The following GON4L variants were observed in gnomAD, a reference collection of about 807,000 sequenced individuals.
GON4L encodes gon-4 like, also known as GON-4-like protein.
In GON4L, 87 loss-of-function variants were observed where a neutral mutation model predicts 211.8. The observed-to-expected ratio is 0.41, with a 90% confidence interval of 0.35 to 0.49. The LOEUF (loss-of-function observed/expected upper bound fraction) is 0.49, where lower values mean the gene tolerates loss of function less well. Ranked by LOEUF, GON4L falls within the 20% of genes least tolerant of loss-of-function variation. The pLI, the probability that GON4L is intolerant of heterozygous loss-of-function variation, is 0.15. For missense variants in GON4L, 2,155 were observed against 2,659.5 expected, an observed-to-expected ratio of 0.81 and a Z score of 4.17; for synonymous variants, 875 against 962.6, an observed-to-expected ratio of 0.91 and a Z score of 1.68.
Position 155,765,544 on chromosome 1 carries a change from T to A in GON4L, c.3929A>T (p.Gln1310Leu), listed in dbSNP as rs748836050. The part of the protein sequence containing the change: ...QALEPLPQGI[Q>L]ESLNNPTPGD... Reference sequence around the variant, plus strand: ...AGGGGTAGGGTTGTTTAGAGACTCCTGGATGCCCTGAGGGAGCGGCTCCAG... The same window carrying A: ...AGGGGTAGGGTTGTTTAGAGACTCCAGGATGCCCTGAGGGAGCGGCTCCAG... Residue 1310 changes from glutamine to leucine, a missense_variant, in exon 21 of 32, where the codon CAG (glutamine) becomes CTG (leucine). Physicochemically the swap from Gln to Leu is moderately radical, Grantham distance 113 (BLOSUM62 -2). Around this residue, in one of 6 missense-constraint regions of GON4L, gnomAD observed 615 missense variants for 625.7 expected, o/e 0.98. Coordinates refer to ENST00000368331, the MANE Select transcript of GON4L (RefSeq NM_001282860.2). 6.2e-7 allele frequency: 1 copy of A among 1,614,218 alleles called. No individual in the cohort carries two copies. The highest frequency in any genetic ancestry group is 8.5e-7 in the Non-Finnish European group (1 of 1,180,030).
intron 2 of GON4L, among the ~76,000 whole-genome samples, chr1:155,852,107 G>A (rs1671847405): frequency 6.8e-6 from 1 of 147,100 alleles, no homozygotes; most frequent in Non-Finnish European, 1.5e-5. Flanking sequence ...GGAGGTTGCA[G>A]TGAGCCAAGA....
In GON4L at chr1:155,765,072, G is replaced by T. The variant is rs1343196367; in HGVS notation, c.4401C>A (p.Asp1467Glu). The change falls in exon 21 of 32, where the codon GAC (aspartate) becomes GAA (glutamate). Residue 1467 changes from aspartate (D) to glutamate (E), a missense_variant. Around this residue, in one of 6 missense-constraint regions of GON4L, gnomAD observed 615 missense variants for 625.7 expected, o/e 0.98. Coordinates refer to ENST00000368331, the MANE Select transcript of GON4L (RefSeq NM_001282860.2). ...TTTCATCTTCCTCATCTTGGGTGAG[G>T]TCATCAAAGTCCTCTTCTTCCTCTT... is the stretch of plus-strand genomic sequence containing the variant. ...PEEEEEEDFD[D>E]LTQDEEDEMS... 2.5e-6 allele frequency: 4 copies of T among 1,614,126 alleles called. No homozygotes were observed. The highest frequency in any genetic ancestry group is 2.5e-6 in the Non-Finnish European group (3 of 1,180,014).
chr1:155,766,999 T>G (rs1442419625), intron 20 of GON4L: 1 of 548,346 alleles, frequency 1.8e-6, no homozygotes, highest in Non-Finnish European at 3.2e-6. Flanking sequence ...GAAGCCGAGA[T>G]CGCACCTTAG....
intron 6 of GON4L, 119 bp downstream of exon 6, chr1:155,820,487 A>G (rs905539598): frequency 8.4e-6 from 6 of 713,618 alleles, no homozygotes; most frequent in Middle Eastern, 3.3e-4. Flanking sequence ...TCTTTTATAA[A>G]TATTTCTTTA....
At chr1:155,851,238 C>T (rs1671760402) in intron 2 of GON4L, among the ~76,000 whole-genome samples, 1 of 150,192 alleles carries the variant, frequency 6.7e-6, no homozygotes, top group Admixed American at 6.7e-5. Context: ...CCTGTAGTCC[C>T]AGCTACTCGG....
intron 2 of GON4L, among the ~76,000 whole-genome samples, chr1:155,845,215 G>T (rs1049498742): frequency 2.6e-5 from 4 of 152,226 alleles, no homozygotes; most frequent in African/African-American, 9.6e-5. Context: ...ACAGGATGCA[G>T]CAAAGAAAGC....
chr1:155,788,828 C>T (rs1021773165), intron 12 of GON4L, among the ~76,000 whole-genome samples: 8 of 152,128 alleles, frequency 5.3e-5, no homozygotes, highest in Middle Eastern at 3.2e-3. Context: ...CAGTGGCTCA[C>T]GCCTGTAATC....
chr1:155,775,934 A>C (rs1663776371), intron 16 of GON4L, among the ~76,000 whole-genome samples: 1 of 152,006 alleles, frequency 6.6e-6, no homozygotes, highest in Admixed American at 6.6e-5. Flanking sequence ...ACAGGTACGC[A>C]CCACCACATC....
At chr1:155,819,992 G>A (rs1668594456) in intron 6 of GON4L, among the ~76,000 whole-genome samples, 1 of 152,118 alleles carries the variant, frequency 6.6e-6, no homozygotes, top group Non-Finnish European at 1.5e-5. Context: ...TCCACTCACT[G>A]CAACCTCCGC....
At position 155,800,153 on chromosome 1, in the gene GON4L, C is replaced by T. The variant is rs547843008; in HGVS notation, c.1645+4796G>A. Among the ~76,000 whole-genome samples, 575 of 151,572 alleles carry T rather than the reference C, an allele frequency of 3.8e-3. 4 individuals are homozygous for T. Among genetic ancestry groups the T allele is most frequent in the African/African-American group, 9.0e-3 (370 of 41,314 alleles). On this transcript the variant is annotated intron_variant, in intron 11 of 31. Transcript: ENST00000368331. The stretch of plus-strand genomic sequence containing the variant: ...GGCAGAGGTTGCGGTGAGCTGAGAT[C>T]GTGCCATTGCACTCCAGCCTGGGCA...
At chr1:155,788,261 G>A (rs1665161461) in intron 12 of GON4L, among the ~76,000 whole-genome samples, 1 of 152,132 alleles carries the variant, frequency 6.6e-6, no homozygotes, top group African/African-American at 2.4e-5. Context: ...CCAAAGTGCT[G>A]GGATTACAGG....
chr1:155,765,000 C>G lies in GON4L; in HGVS notation c.4473G>C (p.Gln1491His). 1 of 1,613,938 alleles carries G rather than the reference C, an allele frequency of 6.2e-7. No individual in the cohort carries two copies. Among genetic ancestry groups the G allele is most frequent in the Non-Finnish European group, 8.5e-7 (1 of 1,179,812 alleles). ...CTTGAGAATATTCTCCAGCTCTCAC[C>G]TGGAGTTCTGGGACAGAAAGCACAG... ...EESVLSVPEL[Q>H]ETMEKLTWLA... The change falls in exon 21 of 32, where the codon CAG (glutamine) becomes CAC (histidine). Residue 1491 changes from glutamine to histidine, a missense_variant and splice_region_variant. Physicochemically the swap from Gln to His is conservative, Grantham distance 24. Transcript: ENST00000368331.
Position 155,777,608 on chromosome 1 carries a change from A to C in GON4L, c.2091+14T>G. On this transcript the variant is annotated intron_variant, in intron 15 of 31. Transcript: ENST00000368331. The stretch of plus-strand genomic sequence containing the variant: ...AAAAAAATCCAATGTTAACATGACC[A>C]AGAAAAGTCCTACCTGCTGCATCTG... The C allele has an allele frequency of 2.5e-6, 4 of 1,602,004 alleles. No homozygotes were observed. The highest frequency in any genetic ancestry group is 3.4e-6 in the Non-Finnish European group (4 of 1,169,124).
intron 17 of GON4L, among the ~76,000 whole-genome samples, chr1:155,774,274 T>C (rs1053638752): frequency 2.0e-5 from 3 of 151,988 alleles, no homozygotes; most frequent in African/African-American, 4.8e-5. Context: ...ATATCACTTA[T>C]GCTGCAGTCA....
At chr1:155,758,410 G>A (rs1661413860) in intron 24 of GON4L, among the ~76,000 whole-genome samples, 1 of 152,236 alleles carries the variant, frequency 6.6e-6, no homozygotes, top group African/African-American at 2.4e-5. Flanking sequence ...GGGAGGCCAA[G>A]GCAGGAGGAT....
chr1:155,807,730 A>AAAAAAAAG (rs1395575383), intron 10 of GON4L, among the ~76,000 whole-genome samples: 2 of 143,794 alleles, frequency 1.4e-5, no homozygotes, highest in African/African-American at 5.2e-5. Flanking sequence ...AAAAAAGAAA[A>AAAAAAAAG]TCAGAAAGTG....
At chr1:155,797,115 T>C (rs1330782821) in intron 11 of GON4L, among the ~76,000 whole-genome samples, 1 of 152,118 alleles carries the variant, frequency 6.6e-6, no homozygotes, top group Admixed American at 6.6e-5. Context: ...ACAATATTTT[T>C]TTTTTCTTTC....
At chr1:155,768,225 C>A (rs552999720) in intron 19 of GON4L, among the ~76,000 whole-genome samples, 2,537 of 149,886 alleles carry the variant, frequency 0.017, 35 homozygotes, top group Non-Finnish European at 0.03. Flanking sequence ...ATTGCTTGAA[C>A]CTGGGAGGTG....
At chr1:155,819,680 C>A (rs147417813) in intron 6 of GON4L, among the ~76,000 whole-genome samples, 156 of 152,334 alleles carry the variant, frequency 1.0e-3, no homozygotes, top group African/African-American at 3.6e-3. Context: ...TCCCTCATGA[C>A]TATTACCTGC....
Sources: gnomAD v4.1 joint callset for allele counts (sites outside exome capture counted in the v4.1 genomes callset) on GRCh38, gnomAD v4.1.1 for gene constraint, gnomAD v4.1.1 regional missense constraint, MANE v1.5 for transcripts, NCBI Gene and HGNC (gene_info 2026-07-23, HGNC 2026-07-21) for gene names.